Variants in CSMD1 observed in about 807,000 individuals in gnomAD.
The protein encoded by CSMD1 is CUB and Sushi multiple domains 1.
A neutral mutation model predicts 417.5 loss-of-function variants in CSMD1; 213 were observed. That is an observed-to-expected ratio of 0.51 (90% CI 0.46 to 0.57). The LOEUF (loss-of-function observed/expected upper bound fraction) is 0.57. Ranked by LOEUF, CSMD1 falls within the 20% of genes least tolerant of loss-of-function variation. The pLI, the probability that CSMD1 is intolerant of heterozygous loss-of-function variation, is 0.00. For missense variants in CSMD1, 6,923 were observed against 4,529.7 expected (o/e 1.53, Z -15.17); for synonymous variants, 2,862 against 1,736.8 (o/e 1.65, Z -16.11).
chr8:3,602,291 T>C (rs1335918242), intron 8 of CSMD1, among the ~76,000 whole-genome samples: 1 of 152,038 alleles, frequency 6.6e-6, no homozygotes, highest in Admixed American at 6.6e-5. Flanking sequence ...GAAAACCAGA[T>C]CACTTTCTCT....
At chr8:3,733,455 A>C (rs1796372041) in intron 6 of CSMD1, among the ~76,000 whole-genome samples, 1 of 151,324 alleles carries the variant, frequency 6.6e-6, no homozygotes, top group Non-Finnish European at 1.5e-5. Context: ...ACTAATCTTC[A>C]CTTATTCAAT....
At chr8:4,143,780 G>T (rs1803942728) in intron 3 of CSMD1, among the ~76,000 whole-genome samples, 1 of 151,296 alleles carries the variant, frequency 6.6e-6, no homozygotes, top group Non-Finnish European at 1.5e-5. Context: ...TTCACAGGGT[G>T]GGAGGGGGCC....
intron 10 of CSMD1, among the ~76,000 whole-genome samples, chr8:3,528,235 G>A (rs4875730): frequency 0.75 from 113,747 of 152,196 alleles, 42,698 homozygotes; most frequent in African/African-American, 0.81. Context: ...TGAATTATGT[G>A]TTGTGGAAAG....
intron 2 of CSMD1, among the ~76,000 whole-genome samples, chr8:4,623,152 G>C (rs767245988): frequency 2.0e-5 from 3 of 152,086 alleles, no homozygotes; most frequent in Non-Finnish European, 2.9e-5. Context: ...TCAAAGGGAA[G>C]ACAAAAGTTG....
chr8:3,027,621 A>G (rs1255670536), intron 51 of CSMD1, among the ~76,000 whole-genome samples: 2 of 152,258 alleles, frequency 1.3e-5, no homozygotes, highest in African/African-American at 4.8e-5. Context: ...GCTCGTGCCC[A>G]GCCCGCAAGC....
At chr8:3,292,256 C>T (rs1803635005) in intron 25 of CSMD1, among the ~76,000 whole-genome samples, 1 of 152,096 alleles carries the variant, frequency 6.6e-6, no homozygotes, top group African/African-American at 2.4e-5. Context: ...ACTATGTGGT[C>T]AGTTTTGGAG....
At chr8:3,959,099 C>T (rs369490772) in intron 5 of CSMD1, among the ~76,000 whole-genome samples, 10 of 152,294 alleles carry the variant, frequency 6.6e-5, no homozygotes, top group African/African-American at 2.4e-4. Context: ...ACGCCTCTGT[C>T]ACATGCTTTC....
chr8:4,913,748 G>T (rs117705667), intron 1 of CSMD1, among the ~76,000 whole-genome samples: 1,778 of 152,216 alleles, frequency 0.012, 9 homozygotes, highest in Non-Finnish European at 0.016. Context: ...CGAGGGAGTT[G>T]TCCATGTGTT....
intron 10 of CSMD1, among the ~76,000 whole-genome samples, chr8:3,514,296 G>A (rs893734974): frequency 2.0e-5 from 3 of 152,190 alleles, no homozygotes; most frequent in African/African-American, 4.8e-5. Context: ...GACGTCCTCA[G>A]TGCATTGCAG....
chr8:4,066,734 A>G (rs1799270120), intron 3 of CSMD1, among the ~76,000 whole-genome samples: 1 of 152,150 alleles, frequency 6.6e-6, no homozygotes, highest in Admixed American at 6.5e-5. Context: ...GAGAGTGAAG[A>G]CTGAGATGCA....
In CSMD1 at chr8:3,749,852, G is replaced by C. The variant is rs139309779; in HGVS notation, c.931+4078C>G. 6.0e-4 allele frequency among the ~76,000 whole-genome samples: 91 copies of C among 151,862 alleles called. 1 individual carries two copies. In the East Asian group the frequency reaches 0.017, roughly 29 times the overall value. ...TGGTTAATGAACACTGAGGTGGTTCGCGGTGGTTGACAATGGTGCTCGCAT... is the reference window on the plus strand; with the variant it reads ...TGGTTAATGAACACTGAGGTGGTTCCCGGTGGTTGACAATGGTGCTCGCAT... On this transcript the variant is annotated intron_variant, in intron 6 of 69. Coordinates refer to ENST00000635120, the MANE Select transcript of CSMD1 (RefSeq NM_033225.6).
chr8:4,531,595 G>T (rs562011387), intron 2 of CSMD1, among the ~76,000 whole-genome samples: 88 of 152,274 alleles, frequency 5.8e-4, no homozygotes, highest in Non-Finnish European at 1.0e-3. Context: ...ATAAGTGTAA[G>T]ATGCGAGCTT....
chr8:3,075,620 A>G (rs1813605439), intron 49 of CSMD1, among the ~76,000 whole-genome samples: 1 of 151,958 alleles, frequency 6.6e-6, no homozygotes, highest in Admixed American at 6.5e-5. Flanking sequence ...AGCCTAATAC[A>G]TTTATAGAGG....
At chr8:3,440,851 G>C (rs554971208) in intron 12 of CSMD1, among the ~76,000 whole-genome samples, 3 of 152,270 alleles carry the variant, frequency 2.0e-5, no homozygotes, top group South Asian at 2.1e-4. Context: ...GCCTTGCTGA[G>C]ACGTTGTCAT....
intron 3 of CSMD1, among the ~76,000 whole-genome samples, chr8:4,215,977 A>G (rs1800644459): frequency 6.6e-6 from 1 of 152,192 alleles, no homozygotes; most frequent in South Asian, 2.1e-4. Context: ...ATCCAGACTT[A>G]AACTCAGAGA....
chr8:4,394,418 G>A (rs544795831), intron 3 of CSMD1, among the ~76,000 whole-genome samples: 9 of 152,162 alleles, frequency 5.9e-5, no homozygotes, highest in African/African-American at 1.2e-4. Context: ...TCAATATTTC[G>A]TCCTATTCAA....
chr8:3,697,087 T>C (rs895817935), intron 7 of CSMD1, among the ~76,000 whole-genome samples: 6 of 152,184 alleles, frequency 3.9e-5, no homozygotes, highest in African/African-American at 9.6e-5. Context: ...CATGAATAAC[T>C]GCAGGCCCAA....
chr8:3,469,746 G>A (rs1473179246), intron 11 of CSMD1, among the ~76,000 whole-genome samples: 1 of 152,104 alleles, frequency 6.6e-6, no homozygotes. Flanking sequence ...CTCACCTTAG[G>A]CAGTACAGAG....
At chr8:3,241,837 C>A (rs1051323951) in intron 26 of CSMD1, among the ~76,000 whole-genome samples, 1 of 151,978 alleles carries the variant, frequency 6.6e-6, no homozygotes, top group Non-Finnish European at 1.5e-5. Flanking sequence ...TGCCTCTATT[C>A]TATTATTGTA....
Sources: allele counts gnomAD v4.1 joint callset (sites outside exome capture counted in the v4.1 genomes callset), GRCh38; gene constraint gnomAD v4.1.1; transcripts MANE v1.5; gene names NCBI Gene and HGNC (gene_info 2026-07-23, HGNC 2026-07-21).